Variants in ASB18 observed in about 807,000 individuals in gnomAD.
ASB18 encodes the protein ankyrin repeat and SOCS box containing 18.
A neutral mutation model predicts 33.4 loss-of-function variants in ASB18; 33 were observed. That is an observed-to-expected ratio of 0.99 (90% CI 0.75 to 1.32). The LOEUF (loss-of-function observed/expected upper bound fraction) is 1.32, where lower values mean the gene tolerates loss of function less well. ASB18 is among the 40% of genes most tolerant of loss of function. The probability of loss-of-function intolerance (pLI) is 0.00; values close to 1 mark genes in which losing one functional copy is unlikely to be tolerated. For synonymous variants in ASB18, 295 were observed against 307.6 expected, an observed-to-expected ratio of 0.96 and a Z score of 0.43; for missense variants, 694 against 655.5, an observed-to-expected ratio of 1.06 and a Z score of -0.64.
Position 236,205,536 on chromosome 2 carries a change from T to G in ASB18, c.1101+8826A>C, listed in dbSNP as rs1169604855. Among the ~76,000 whole-genome samples, 2 of 152,252 alleles carry G rather than the reference T, an allele frequency of 1.3e-5. No individual in the cohort carries two copies. The highest frequency in any genetic ancestry group is 2.9e-5 in the Non-Finnish European group (2 of 68,048). The stretch of plus-strand genomic sequence containing the variant: ...TGGTCTGTTGATCATGCTCAATATT[T>G]AATGCCTGTCTTCCCCATTAGAATG... On this transcript the variant is annotated intron_variant, in intron 4 of 5. Transcript: ENST00000409749. The surrounding 1 kb of genome is among the most constrained non-coding windows in gnomAD (Gnocchi z 5.4).
rs1354408038 is a variant in ASB18, at chr2:236,259,472, T to C, written c.205+4669A>G. 7 of 468,404 alleles carry C rather than the reference T, an allele frequency of 1.5e-5. No individual in the cohort carries two copies. Among genetic ancestry groups the C allele is most frequent in the Non-Finnish European group, 2.7e-5 (6 of 225,158 alleles). The allele number at this position is 468,404 out of a possible 1,614,324, so 29.0% of individuals were successfully genotyped here. A position where few individuals can be genotyped will look rare whatever the true frequency, so the allele number is the denominator to read the frequency against. On this transcript the variant is annotated intron_variant, in intron 1 of 5. Coordinates refer to ENST00000409749, the MANE Select transcript of ASB18 (RefSeq NM_212556.4). This position sits in a 1 kb window ranked among gnomAD's most constrained non-coding sequence, Gnocchi z 4.4. ...CTAGCAAGGCCATGCACTTCCGTAA[T>C]GGATGGAGACTAAGGGCTTTATGCT...
rs11885131 is a variant in ASB18 at position 236,252,522 on chromosome 2, G to A, written c.206-11120C>T. 0.16 allele frequency among the ~76,000 whole-genome samples: 24,573 copies of A among 151,980 alleles called. 2,449 individuals carry two copies. Among genetic ancestry groups the A allele is most frequent in the African/African-American group, 0.27 (11,088 of 41,394 alleles). On this transcript the variant is annotated intron_variant, in intron 1 of 5. Transcript: ENST00000409749. The surrounding 1 kb of genome is among the most constrained non-coding windows in gnomAD (Gnocchi z 7.9). ...AAAGTGACAGGGAGGTGTAGGACAC[G>A]GAAGGTGCATTTCCTCCCCAGGATG...
chr2:236,245,861 C>T lies in ASB18; in HGVS notation c.206-4459G>A, dbSNP rs1446549604. ...ACTGGACTCTTTGAAACTTGCTCAA[C>T]ATTAAAGCTCCTCAGTGGTTCTTGC... is the stretch of plus-strand genomic sequence containing the variant. On this transcript the variant is annotated intron_variant, in intron 1 of 5. Transcript: ENST00000409749. This position sits in a 1 kb window ranked among gnomAD's most constrained non-coding sequence, Gnocchi z 4.7. Among the ~76,000 whole-genome samples, 3 of 152,196 alleles carry T rather than the reference C, an allele frequency of 2.0e-5. No homozygotes were observed. The highest frequency in any genetic ancestry group is 2.9e-5 in the Non-Finnish European group (2 of 68,034).
At chr2:236,242,747 T>A (rs1454661405) in intron 1 of ASB18, among the ~76,000 whole-genome samples, 2 of 150,006 alleles carry the variant, frequency 1.3e-5, no homozygotes, top group Non-Finnish European at 3.0e-5. Context: ...ATTGCAGACA[T>A]GAGCCACTGT....
rs768185398 is a variant in ASB18, at chr2:236,235,816, CCT to C, written c.596+1871_596+1872del. 1.3e-5 allele frequency among the ~76,000 whole-genome samples: 2 copies of C among 152,172 alleles called. No homozygotes were observed. Among genetic ancestry groups the C allele is most frequent in the African/African-American group, 2.4e-5 (1 of 41,420 alleles). ...TCAAGCGATCCTCCCACCTCAGCCCCCTGAGTAGCTGGGATTACAGGTGCATG... is the reference window on the plus strand; with the variant it reads ...TCAAGCGATCCTCCCACCTCAGCCCCGAGTAGCTGGGATTACAGGTGCATG... On this transcript the variant is annotated intron_variant, in intron 3 of 5. Coordinates refer to ENST00000409749, the MANE Select transcript of ASB18 (RefSeq NM_212556.4). This position sits in a 1 kb window ranked among gnomAD's most constrained non-coding sequence, Gnocchi z 6.2.
At chr2:236,218,079 G>T (rs185658885) in intron 3 of ASB18, among the ~76,000 whole-genome samples, 4 of 152,234 alleles carry the variant, frequency 2.6e-5, no homozygotes, top group Admixed American at 2.6e-4. Context: ...CCTTTTCCAC[G>T]TGCACAGCCT....
In ASB18 at chr2:236,220,668, G is replaced by T. The variant is rs2060506748; in HGVS notation, c.597-5802C>A. ...TTAAAAGGCCAGTGACATGCATAAG[G>T]CAGGAAGTGGCAAAGCAGAGGTCTC... On this transcript the variant is annotated intron_variant, in intron 3 of 5. Coordinates refer to ENST00000409749, the MANE Select transcript of ASB18 (RefSeq NM_212556.4). This position sits in a 1 kb window ranked among gnomAD's most constrained non-coding sequence, Gnocchi z 5.1. Among the ~76,000 whole-genome samples, 1 of 152,030 alleles carries T rather than the reference G, an allele frequency of 6.6e-6. No individual in the cohort carries two copies. Among genetic ancestry groups the T allele is most frequent in the Non-Finnish European group, 1.5e-5 (1 of 68,010 alleles).
rs568238182 is a variant in ASB18 at position 236,211,601 on chromosome 2, C to T, written c.1101+2761G>A. On this transcript the variant is annotated intron_variant, in intron 4 of 5. Transcript: ENST00000409749. The surrounding 1 kb of genome is among the most constrained non-coding windows in gnomAD (Gnocchi z 5.0). The stretch of plus-strand genomic sequence containing the variant: ...AGTGCTGGTGACTCTACGCTCGGCT[C>T]GCCATGGCGCCCGTGTGGTGCCTGC... 1.1e-3 allele frequency among the ~76,000 whole-genome samples: 171 copies of T among 152,348 alleles called. 1 individual carries two copies. Among genetic ancestry groups the T allele is most frequent in the African/African-American group, 3.8e-3 (157 of 41,592 alleles).
intron 2 of ASB18, among the ~76,000 whole-genome samples, chr2:236,240,109 T>C (rs977933676): frequency 6.6e-6 from 1 of 152,200 alleles, no homozygotes; most frequent in African/African-American, 2.4e-5. Context: ...GTGCAAATGA[T>C]GGGTGAACAT....
At chr2:236,207,381 G>A (rs1320822192) in intron 4 of ASB18, among the ~76,000 whole-genome samples, 4 of 152,074 alleles carry the variant, frequency 2.6e-5, no homozygotes, top group Non-Finnish European at 4.4e-5. Context: ...GTACTGTTTC[G>A]ATGAATCCCA....
At position 236,223,595 on chromosome 2, in the gene ASB18, T is replaced by C. The variant is rs578008541; in HGVS notation, c.597-8729A>G. Among the ~76,000 whole-genome samples the C allele has an allele frequency of 1.3e-5, 2 of 152,298 alleles. No homozygotes were observed. The highest frequency in any genetic ancestry group is 1.9e-4 in the East Asian group (1 of 5,182). On this transcript the variant is annotated intron_variant, in intron 3 of 5. Coordinates refer to ENST00000409749, the MANE Select transcript of ASB18 (RefSeq NM_212556.4). This position sits in a 1 kb window ranked among gnomAD's most constrained non-coding sequence, Gnocchi z 4.6. The stretch of plus-strand genomic sequence containing the variant: ...AAATGCACAGGTCTTAAGAGCACAA[T>C]TGAATGAATTTCAACAAAGGAATAT...
rs1293964707 is a variant in ASB18, at chr2:236,237,342, C to T, written c.596+347G>A. 3.4e-3 allele frequency among the ~76,000 whole-genome samples: 216 copies of T among 63,466 alleles called. 5 individuals carry two copies. Among genetic ancestry groups the T allele is most frequent in the Admixed American group, 0.016 (78 of 4,842 alleles). The allele number at this position is 63,466 out of a possible 152,430, so 41.6% of individuals were successfully genotyped here. A position where few individuals can be genotyped will look rare whatever the true frequency, so the allele number is the denominator to read the frequency against. On this transcript the variant is annotated intron_variant, in intron 3 of 5. Transcript: ENST00000409749. This position sits in a 1 kb window ranked among gnomAD's most constrained non-coding sequence, Gnocchi z 6.2. ...CAAGCGCTAATTAAACCCGCGGGGG[C>T]CGGGGCCGGGGCGCGGGGCGGGGGC...
In ASB18 at chr2:236,196,032, A is replaced by T. The variant is rs1032486227; in HGVS notation, c.1215+240T>A. 1.9e-6 allele frequency: 1 copy of T among 532,546 alleles called. No individual in the cohort carries two copies. The highest frequency in any genetic ancestry group is 3.5e-6 in the Non-Finnish European group (1 of 288,800). The allele number at this position is 532,546 out of a possible 1,614,324, so 33.0% of individuals were successfully genotyped here. A position where few individuals can be genotyped will look rare whatever the true frequency, so the allele number is the denominator to read the frequency against. ...AAGGAACCCTCGCGCTTTTCAGGCCAGCACGGGGCTCTGAGCTCCTTGAGG... is the reference window on the plus strand; with the variant it reads ...AAGGAACCCTCGCGCTTTTCAGGCCTGCACGGGGCTCTGAGCTCCTTGAGG... On this transcript the variant is annotated intron_variant, in intron 5 of 5. Coordinates refer to ENST00000409749, the MANE Select transcript of ASB18 (RefSeq NM_212556.4). This position sits in a 1 kb window ranked among gnomAD's most constrained non-coding sequence, Gnocchi z 5.6.
In ASB18 at chr2:236,241,262, T is replaced by A; in HGVS notation, c.328+18A>T. The A allele has an allele frequency of 6.2e-7, 1 of 1,613,188 alleles. No individual in the cohort carries two copies. Among genetic ancestry groups the A allele is most frequent in the South Asian group, 1.1e-5 (1 of 91,000 alleles). ...GCCCCTTAAAAATAAATGACTGAGC[T>A]TTAAAGAACAAGGGTACCTGATAGT... is the stretch of plus-strand genomic sequence containing the variant. On this transcript the variant is annotated intron_variant, in intron 2 of 5. Transcript: ENST00000409749. This position sits in a 1 kb window ranked among gnomAD's most constrained non-coding sequence, Gnocchi z 4.2.
Position 236,237,373 on chromosome 2 carries a change from CCGGGGCG to C in ASB18, c.596+309_596+315del, listed in dbSNP as rs1286316671. On this transcript the variant is annotated intron_variant, in intron 3 of 5. Transcript: ENST00000409749. This position sits in a 1 kb window ranked among gnomAD's most constrained non-coding sequence, Gnocchi z 6.2. ...CCGGGGCGCGGGGCGGGGGCCGGGGCCGGGGCGCGGGGCGGGGGCCGGGGCCGGGGCG... is the reference window on the plus strand; with the variant it reads ...CCGGGGCGCGGGGCGGGGGCCGGGGCCGGGGCGGGGGCCGGGGCCGGGGCG... 1.0e-4 allele frequency among the ~76,000 whole-genome samples: 8 copies of C among 78,820 alleles called. No individual in the cohort carries two copies. The highest frequency in any genetic ancestry group is 1.7e-4 in the Non-Finnish European group (7 of 40,112). 51.7% of individuals were successfully genotyped at this position (78,820 alleles called of 152,430 possible).
intron 4 of ASB18, among the ~76,000 whole-genome samples, chr2:236,199,488 ATTC>A (rs1307627452): frequency 1.3e-5 from 2 of 149,664 alleles, no homozygotes; most frequent in Non-Finnish European, 3.0e-5. Context: ...CTATTTGGCT[ATTC>A]TTCTATATTT....
chr2:236,230,562 T>C (rs180968087), intron 3 of ASB18, among the ~76,000 whole-genome samples: 1 of 151,918 alleles, frequency 6.6e-6, no homozygotes, highest in South Asian at 2.1e-4. Context: ...AAAATGTATA[T>C]TACCAATAAT....
Position 236,234,269 on chromosome 2 carries a change from G to A in ASB18, c.596+3420C>T, listed in dbSNP as rs545548503. On this transcript the variant is annotated intron_variant, in intron 3 of 5. Transcript: ENST00000409749. This position sits in a 1 kb window ranked among gnomAD's most constrained non-coding sequence, Gnocchi z 4.1. Reference sequence around the variant, plus strand: ...GCTATGTCCCCTAGGAGGCTGCTATGAGATGGTTTCTCAATGCCTTCTGGA... The same window carrying A: ...GCTATGTCCCCTAGGAGGCTGCTATAAGATGGTTTCTCAATGCCTTCTGGA... Among the ~76,000 whole-genome samples the A allele has an allele frequency of 1.3e-5, 2 of 152,312 alleles. No individual in the cohort carries two copies. Among genetic ancestry groups the A allele is most frequent in the Admixed American group, 6.5e-5 (1 of 15,296 alleles).
In ASB18 at chr2:236,257,882, C is replaced by T. The variant is rs888104040; in HGVS notation, c.205+6259G>A. On this transcript the variant is annotated intron_variant, in intron 1 of 5. Coordinates refer to ENST00000409749, the MANE Select transcript of ASB18 (RefSeq NM_212556.4). The surrounding 1 kb of genome is among the most constrained non-coding windows in gnomAD (Gnocchi z 5.5). The stretch of plus-strand genomic sequence containing the variant: ...TGTGTCATGCAACTTCTCCAAGCCT[C>T]ATTTTCCTCAGCTGGAGGAGTGGAA... Among the ~76,000 whole-genome samples, 1 of 152,212 alleles carries T rather than the reference C, an allele frequency of 6.6e-6. No individual in the cohort carries two copies. Among genetic ancestry groups the T allele is most frequent in the African/African-American group, 2.4e-5 (1 of 41,460 alleles).
Sources: gnomAD v4.1 joint callset for allele counts (sites outside exome capture counted in the v4.1 genomes callset) on GRCh38, gnomAD v4.1.1 for gene constraint, Gnocchi (gnomAD v3.1) non-coding constraint, MANE v1.5 for transcripts, NCBI Gene and HGNC (gene_info 2026-07-23, HGNC 2026-07-21) for gene names.